The following DOCK3 variants were observed in gnomAD, a reference collection of about 807,000 sequenced individuals.
DOCK3 encodes the protein dedicator of cytokinesis protein 3.
A neutral mutation model predicts 265.6 loss-of-function variants in DOCK3; 60 were observed. The observed-to-expected ratio is 0.23, with a 90% CI of 0.18 to 0.28. The LOEUF (loss-of-function observed/expected upper bound fraction) is 0.28. Among genes scored for constraint, DOCK3 ranks in the 10% least tolerant of loss-of-function variants. The pLI, the probability that DOCK3 is intolerant of heterozygous loss-of-function variation, is 1.00. For missense variants in DOCK3, 1,981 were observed against 2,594.3 expected, an observed-to-expected ratio of 0.76 and a Z score of 5.14; for synonymous variants, 881 against 938.0, an observed-to-expected ratio of 0.94 and a Z score of 1.11.
chr3:50,681,899 A>G (rs899722856), intron 1 of DOCK3, among the ~76,000 whole-genome samples: 2 of 152,220 alleles, frequency 1.3e-5, no homozygotes, highest in African/African-American at 2.4e-5. Flanking sequence ...CCTTCAACAG[A>G]TATGTATTTG....
At chr3:51,136,037 G>A (rs1347117069) in intron 9 of DOCK3, among the ~76,000 whole-genome samples, 4 of 152,060 alleles carry the variant, frequency 2.6e-5, no homozygotes, top group African/African-American at 9.7e-5. Flanking sequence ...CATGCTCTGA[G>A]CTTCCCCATA....
chr3:51,312,631 T>C, intron 30 of DOCK3, 55 bp downstream of exon 30: 1 of 1,477,810 alleles, frequency 6.8e-7, no homozygotes, highest in Non-Finnish European at 9.1e-7. Flanking sequence ...TAGGGCTATG[T>C]TTCGTTGAGA....
chr3:51,203,514 A>C (rs1055455212), intron 12 of DOCK3, among the ~76,000 whole-genome samples: 1 of 152,244 alleles, frequency 6.6e-6, no homozygotes, highest in Non-Finnish European at 1.5e-5. Context: ...GAAATTAAAG[A>C]GGATACAAAC....
At chr3:51,285,519 C>T (rs945589624) in intron 27 of DOCK3, among the ~76,000 whole-genome samples, 2 of 151,414 alleles carry the variant, frequency 1.3e-5, no homozygotes, top group Non-Finnish European at 2.9e-5. Flanking sequence ...ATACTCTAAA[C>T]TGAAAATTTC....
chr3:51,292,110 A>G (rs190520911), intron 27 of DOCK3, among the ~76,000 whole-genome samples: 1 of 152,338 alleles, frequency 6.6e-6, no homozygotes, highest in Admixed American at 6.5e-5. Context: ...TAAATATCAT[A>G]TATGATAAGC....
chr3:51,038,401 T>C (rs2080355501), intron 5 of DOCK3, among the ~76,000 whole-genome samples: 1 of 152,194 alleles, frequency 6.6e-6, no homozygotes, highest in Non-Finnish European at 1.5e-5. Flanking sequence ...AGTGGAGATT[T>C]CATGAGCCCC....
At chr3:51,203,670 A>G (rs1236293385) in intron 12 of DOCK3, among the ~76,000 whole-genome samples, 3 of 152,238 alleles carry the variant, frequency 2.0e-5, no homozygotes, top group Admixed American at 2.0e-4. Flanking sequence ...ACTACTTTAA[A>G]GTTCATATAG....
intron 7 of DOCK3, among the ~76,000 whole-genome samples, chr3:51,085,096 T>C (rs1264031387): frequency 6.6e-6 from 1 of 152,172 alleles, no homozygotes; most frequent in African/African-American, 2.4e-5. Context: ...CATTATGTAA[T>C]GATAAAGGGA....
At chr3:51,314,326 A>G (rs2083248530) in intron 31 of DOCK3, among the ~76,000 whole-genome samples, 1 of 152,198 alleles carries the variant, frequency 6.6e-6, no homozygotes, top group Non-Finnish European at 1.5e-5. Flanking sequence ...AGTAGGTGTA[A>G]TGGCACCATC....
intron 5 of DOCK3, among the ~76,000 whole-genome samples, chr3:50,968,596 C>T (rs2077102913): frequency 6.7e-6 from 1 of 148,972 alleles, no homozygotes; most frequent in Admixed American, 6.9e-5. Flanking sequence ...TGTTGCCAGG[C>T]TGGAGTGCAG....
intron 11 of DOCK3, among the ~76,000 whole-genome samples, chr3:51,159,781 C>T (rs1197767932): frequency 5.9e-5 from 9 of 152,016 alleles, no homozygotes; most frequent in Non-Finnish European, 4.4e-5. Flanking sequence ...TCACTTCTAC[C>T]CCACCCAAGA....
intron 5 of DOCK3, among the ~76,000 whole-genome samples, chr3:51,022,797 G>A (rs11716201): frequency 6.6e-6 from 1 of 152,014 alleles, no homozygotes; most frequent in Admixed American, 6.6e-5. Context: ...TTTTCTTCTA[G>A]GATATTTACT....
At chr3:50,939,197 C>A (rs1245747888) in intron 5 of DOCK3, among the ~76,000 whole-genome samples, 1 of 151,968 alleles carries the variant, frequency 6.6e-6, no homozygotes, top group African/African-American at 2.4e-5. Flanking sequence ...TTCTAGAAAA[C>A]CATAAATTGT....
intron 9 of DOCK3, among the ~76,000 whole-genome samples, chr3:51,130,707 A>ATGTT (rs1425289488): frequency 2.6e-5 from 4 of 152,012 alleles, no homozygotes; most frequent in African/African-American, 7.2e-5. Flanking sequence ...TTTTGTATGT[A>ATGTT]TGTTTGTTTG....
intron 4 of DOCK3, among the ~76,000 whole-genome samples, chr3:50,907,728 A>G (rs2049605417): frequency 6.6e-6 from 1 of 152,058 alleles, no homozygotes; most frequent in African/African-American, 2.4e-5. Context: ...GTGCCTTTTA[A>G]TTGGAGCATT....
At chr3:51,064,743 C>T (rs2081533075) in intron 6 of DOCK3, 147 bp downstream of exon 6, 2 of 1,104,510 alleles carry the variant, frequency 1.8e-6, no homozygotes. Context: ...TTGCTAGGAG[C>T]AGTTATTTGT....
At position 51,179,947 on chromosome 3, in the gene DOCK3, C is replaced by A. The variant is rs141583625; in HGVS notation, c.1037+19245C>A. On this transcript the variant is annotated intron_variant, in intron 12 of 52. Transcript: ENST00000266037. Reference sequence around the variant, plus strand: ...GGGCCGGCGGACGCGGTGTCTCATGCCTGTAATCCCAGCACTTTGGGAGGC... The same window carrying A: ...GGGCCGGCGGACGCGGTGTCTCATGACTGTAATCCCAGCACTTTGGGAGGC... Among the ~76,000 whole-genome samples, 509 of 152,030 alleles carry A rather than the reference C, an allele frequency of 3.3e-3. 8 individuals carry two copies. In the East Asian group the frequency reaches 0.045, roughly 14 times the overall value.
chr3:51,020,332 G>T lies in DOCK3; in HGVS notation c.316-44116G>T, dbSNP rs139612530. The stretch of plus-strand genomic sequence containing the variant: ...TAGTGGGGTTGTTTGTTTTTTTCTC[G>T]TAAGTTTGTTTGAGTTCCTTATAGA... On this transcript the variant is annotated intron_variant, in intron 5 of 52. Transcript: ENST00000266037. Among the ~76,000 whole-genome samples the T allele has an allele frequency of 8.9e-4, 135 of 151,486 alleles. 3 individuals carry two copies. Among genetic ancestry groups the T allele is most frequent in the African/African-American group, 3.2e-3 (131 of 41,096 alleles).
chr3:51,215,581 G>A (rs1465719883), intron 14 of DOCK3, among the ~76,000 whole-genome samples: 4 of 152,170 alleles, frequency 2.6e-5, no homozygotes, highest in African/African-American at 9.7e-5. Context: ...CTTGTTGGAA[G>A]CATTTGCCAG....
Sources: allele counts gnomAD v4.1 joint callset (sites outside exome capture counted in the v4.1 genomes callset), GRCh38; gene constraint gnomAD v4.1.1; transcripts MANE v1.5; gene names NCBI Gene and HGNC (gene_info 2026-07-23, HGNC 2026-07-21).